The following SND1 variants were observed in gnomAD, a reference collection of about 807,000 sequenced individuals.
SND1 encodes staphylococcal nuclease domain-containing protein 1.
SND1 carries 38 observed loss-of-function variants against 121.7 expected under a neutral mutation model. That is an observed-to-expected ratio of 0.31 (90% CI 0.24 to 0.41). SND1 has a LOEUF of 0.41. SND1 is among the 10% of genes least tolerant of loss of function. The pLI is 1.00. For synonymous variants in SND1, 401 were observed against 447.4 expected, an observed-to-expected ratio of 0.90 and a Z score of 1.31; for missense variants, 868 against 1,184.6, an observed-to-expected ratio of 0.73 and a Z score of 3.92.
At chr7:128,022,204 CAAAAAAAAAAAAAA>C (rs58371490) in intron 16 of SND1, among the ~76,000 whole-genome samples, 8 of 74,138 alleles carry the variant, frequency 1.1e-4, no homozygotes, top group Non-Finnish European at 1.7e-4. Flanking sequence ...GACTCTCTCT[CAAAAAAAAAAAAAA>C]AAAAAAAAAG....
intron 11 of SND1, among the ~76,000 whole-genome samples, chr7:127,818,806 A>G (rs1798494835): frequency 6.6e-6 from 1 of 152,240 alleles, no homozygotes. Flanking sequence ...AAAAGACACC[A>G]AAAGAAAAGC....
At chr7:128,062,368 G>GCTA in intron 16 of SND1, among the ~76,000 whole-genome samples, 1 of 152,308 alleles carries the variant, frequency 6.6e-6, no homozygotes, top group Admixed American at 6.5e-5. Context: ...GTACCTTCAA[G>GCTA]CCAGCCTAAT....
intron 10 of SND1, among the ~76,000 whole-genome samples, chr7:127,758,304 G>A (rs548190644): frequency 6.6e-6 from 1 of 152,310 alleles, no homozygotes; most frequent in South Asian, 2.1e-4. Context: ...ACATGGTATT[G>A]TTGATCTTGC....
intron 11 of SND1, among the ~76,000 whole-genome samples, chr7:127,839,273 G>T (rs2087870021): frequency 6.6e-6 from 1 of 152,166 alleles, no homozygotes; most frequent in Admixed American, 6.5e-5. Context: ...GTTATTTTGA[G>T]AGACAAGGTG....
intron 15 of SND1, among the ~76,000 whole-genome samples, chr7:127,948,663 G>A (rs1461873565): frequency 6.6e-6 from 1 of 152,184 alleles, no homozygotes; most frequent in Non-Finnish European, 1.5e-5. Flanking sequence ...GAGGACCTTG[G>A]GCTTTGGTGA....
intron 16 of SND1, among the ~76,000 whole-genome samples, chr7:128,048,308 G>T (rs1462822883): frequency 6.7e-6 from 1 of 148,850 alleles, no homozygotes; most frequent in African/African-American, 2.5e-5. Flanking sequence ...TGTTGAGAAA[G>T]ACAGGCTGAC....
At chr7:127,976,741 T>C (rs990793278) in intron 15 of SND1, among the ~76,000 whole-genome samples, 5 of 152,242 alleles carry the variant, frequency 3.3e-5, no homozygotes, top group Non-Finnish European at 5.9e-5. Flanking sequence ...TTGGATTTGC[T>C]GTTCCTTTTT....
intron 15 of SND1, among the ~76,000 whole-genome samples, chr7:127,971,989 G>A (rs1238237618): frequency 6.6e-6 from 1 of 151,902 alleles, no homozygotes; most frequent in African/African-American, 2.4e-5. Context: ...TGCCCAGGCT[G>A]GTCTCGAACT....
intron 16 of SND1, chr7:127,997,819 G>A (rs760550138): frequency 9.4e-6 from 5 of 534,580 alleles, no homozygotes; most frequent in Non-Finnish European, 1.5e-5. Flanking sequence ...TTACACTTTC[G>A]GCCCAGCACA....
intron 15 of SND1, among the ~76,000 whole-genome samples, chr7:127,936,446 A>G (rs1012520944): frequency 2.0e-5 from 3 of 151,964 alleles, no homozygotes; most frequent in Admixed American, 2.0e-4. Flanking sequence ...TGTGTGTCCC[A>G]TTTTACTTTA....
chr7:127,686,821 C>G, intron 2 of SND1, 59 bp downstream of exon 2: 1 of 1,548,004 alleles, frequency 6.5e-7, no homozygotes, highest in South Asian at 1.2e-5. Flanking sequence ...CCACTGTCTT[C>G]TGTCGCTGAT....
At chr7:127,970,944 T>TATAAATAAATAA (rs139307706) in intron 15 of SND1, among the ~76,000 whole-genome samples, 1 of 151,738 alleles carries the variant, frequency 6.6e-6, no homozygotes, top group African/African-American at 2.4e-5. Context: ...ACCCTGTCTC[T>TATAAATAAATAA]ATAAATAAAT....
intron 16 of SND1, among the ~76,000 whole-genome samples, chr7:128,072,115 C>T (rs1013237635): frequency 6.6e-6 from 1 of 152,160 alleles, no homozygotes; most frequent in Non-Finnish European, 1.5e-5. Flanking sequence ...CCTCAGAGAG[C>T]GAGGTGTGAA....
chr7:127,866,936 A>G (rs1218925478), intron 12 of SND1, among the ~76,000 whole-genome samples: 1 of 152,114 alleles, frequency 6.6e-6, no homozygotes. Context: ...TCTTCTTTCC[A>G]AACTAATTGT....
chr7:128,076,139 C>T (rs1050821412), intron 17 of SND1, among the ~76,000 whole-genome samples: 4 of 152,210 alleles, frequency 2.6e-5, no homozygotes, highest in Non-Finnish European at 2.9e-5. Flanking sequence ...CGATCCTCTA[C>T]CCTCTAAGAG....
intron 15 of SND1, among the ~76,000 whole-genome samples, chr7:127,980,061 T>C (rs1273538108): frequency 6.6e-6 from 1 of 152,208 alleles, no homozygotes; most frequent in Non-Finnish European, 1.5e-5. Context: ...CTTTTCACAA[T>C]TCCTTTCCCT....
intron 16 of SND1, among the ~76,000 whole-genome samples, chr7:128,053,656 G>A (rs1793086017): frequency 6.6e-6 from 1 of 151,918 alleles, no homozygotes; most frequent in African/African-American, 2.4e-5. Flanking sequence ...GGGTGGAAGG[G>A]GACTTACAAA....
chr7:128,067,843 C>G (rs322841), intron 16 of SND1, among the ~76,000 whole-genome samples: 1,899 of 151,962 alleles, frequency 0.012, 47 homozygotes, highest in African/African-American at 0.043. Flanking sequence ...CTAGTAAATC[C>G]CCTGTGTGAA....
At chr7:127,924,749 C>T (rs1157042309) in intron 14 of SND1, among the ~76,000 whole-genome samples, 1 of 152,118 alleles carries the variant, frequency 6.6e-6, no homozygotes, top group African/African-American at 2.4e-5. Context: ...CCTGGGAATT[C>T]ATCATACTAA....
Sources: gnomAD v4.1 joint callset for allele counts (sites outside exome capture counted in the v4.1 genomes callset) on GRCh38, gnomAD v4.1.1 for gene constraint, MANE v1.5 for transcripts, NCBI Gene and HGNC (gene_info 2026-07-23, HGNC 2026-07-21) for gene names.